The following FSIP1 variants were observed in gnomAD, a reference collection of about 807,000 sequenced individuals.
FSIP1 encodes fibrous sheath interacting protein 1, also known as fibrous sheath-interacting protein 1.
In FSIP1, 65 loss-of-function variants were observed where a neutral mutation model predicts 60.9. The ratio of observed to expected loss-of-function variants is 1.07; its 90% CI spans 0.87 to 1.31. FSIP1 has a LOEUF of 1.31. Among genes scored for constraint, FSIP1 ranks in the 40% most tolerant of loss-of-function variants. The pLI is 0.00. For missense variants in FSIP1, 675 were observed against 665.5 expected (o/e 1.01, Z -0.16); for synonymous variants, 209 against 221.2 (o/e 0.94, Z 0.49).
At chr15:39,698,389 T>A (rs1894911145) in intron 10 of FSIP1, among the ~76,000 whole-genome samples, 1 of 152,112 alleles carries the variant, frequency 6.6e-6, no homozygotes, top group Admixed American at 6.5e-5. Context: ...GTTCATCATG[T>A]CGAGATTCTT....
At chr15:39,634,032 G>A (rs1892021918) in intron 10 of FSIP1, among the ~76,000 whole-genome samples, 1 of 152,100 alleles carries the variant, frequency 6.6e-6, no homozygotes, top group African/African-American at 2.4e-5. Context: ...CATCCCTCAT[G>A]TCACTAAACG....
At chr15:39,645,262 C>T (rs935445504) in intron 10 of FSIP1, among the ~76,000 whole-genome samples, 2 of 152,224 alleles carry the variant, frequency 1.3e-5, no homozygotes, top group African/African-American at 2.4e-5. Context: ...ACTACTGATA[C>T]AGTGGCTGCT....
chr15:39,765,651 C>T lies in FSIP1; in HGVS notation c.406G>A (p.Glu136Lys). ...DKILAKKQRR[E>K]KEIKKQGLEM... ...AGACCTTGCTTCTTAATTTCTTTTTCTCTGCGTTGTTTCTTTGCCAATATT... is the reference window on the plus strand; with the variant it reads ...AGACCTTGCTTCTTAATTTCTTTTTTTCTGCGTTGTTTCTTTGCCAATATT... The change falls in exon 4 of 12, where the codon GAA (glutamate) becomes AAA (lysine). Residue 136 changes from glutamate to lysine, a missense_variant. Physicochemically the swap from Glu to Lys is moderately conservative, Grantham distance 56. Coordinates refer to ENST00000350221, the MANE Select transcript of FSIP1 (RefSeq NM_152597.5). 6.2e-7 allele frequency: 1 copy of T among 1,604,820 alleles called. No homozygotes were observed.
intron 10 of FSIP1, among the ~76,000 whole-genome samples, chr15:39,627,453 A>C (rs963449826): frequency 6.6e-6 from 1 of 152,244 alleles, no homozygotes; most frequent in Non-Finnish European, 1.5e-5. Flanking sequence ...ACAAACCAGA[A>C]GTGCAAGAGA....
chr15:39,747,825 A>G (rs1897048161), intron 5 of FSIP1, among the ~76,000 whole-genome samples: 1 of 152,170 alleles, frequency 6.6e-6, no homozygotes, highest in East Asian at 1.9e-4. Flanking sequence ...TTTATCATTA[A>G]TAGTGCATAT....
intron 5 of FSIP1, among the ~76,000 whole-genome samples, chr15:39,746,181 A>T (rs1364106790): frequency 6.6e-6 from 1 of 152,188 alleles, no homozygotes; most frequent in Non-Finnish European, 1.5e-5. Context: ...ATCTGGAAAA[A>T]ATTGCCACCA....
chr15:39,764,598 T>A (rs144347091), intron 4 of FSIP1, among the ~76,000 whole-genome samples: 1,574 of 152,328 alleles, frequency 0.01, 15 homozygotes, highest in Middle Eastern at 0.017. Context: ...AAAATTGAAA[T>A]ATGAGCCAAT....
intron 9 of FSIP1, among the ~76,000 whole-genome samples, chr15:39,719,709 G>A (rs1299429182): frequency 6.6e-6 from 1 of 152,208 alleles, no homozygotes; most frequent in Non-Finnish European, 1.5e-5. Flanking sequence ...TGGATCGTGT[G>A]TCTGGCAGTA....
At chr15:39,628,040 A>G (rs1891716843) in intron 10 of FSIP1, among the ~76,000 whole-genome samples, 1 of 152,192 alleles carries the variant, frequency 6.6e-6, no homozygotes, top group Non-Finnish European at 1.5e-5. Context: ...GGGTGCAGGT[A>G]CTGCAGGGTT....
At chr15:39,711,745 C>A (rs2008623) in intron 10 of FSIP1, among the ~76,000 whole-genome samples, 20 of 123,408 alleles carry the variant, frequency 1.6e-4, no homozygotes, top group African/African-American at 6.3e-4. Flanking sequence ...TGTGCAGTGG[C>A]GCAATCTCGG....
intron 10 of FSIP1, among the ~76,000 whole-genome samples, chr15:39,679,755 A>G (rs1894084087): frequency 6.6e-6 from 1 of 152,228 alleles, no homozygotes. Context: ...AAAAAGTATT[A>G]ATTGATTAAG....
At chr15:39,757,229 T>C (rs930050425) in intron 5 of FSIP1, among the ~76,000 whole-genome samples, 4 of 152,130 alleles carry the variant, frequency 2.6e-5, no homozygotes, top group Non-Finnish European at 4.4e-5. Flanking sequence ...TTTTAAATTT[T>C]TATACATTTC....
At chr15:39,601,557 C>A (rs1298094455) in intron 11 of FSIP1, among the ~76,000 whole-genome samples, 1 of 152,084 alleles carries the variant, frequency 6.6e-6, no homozygotes, top group Non-Finnish European at 1.5e-5. Context: ...GGTATAAGCC[C>A]AAGAGAAATG....
rs201479053 is a variant in FSIP1 at position 39,751,598 on chromosome 15, C to CA, written c.560-9699dup. ...CATGATCTCACTTATATGTGGAATC[C>CA]AAAAAAAAAAGTCAAATTTACAGAG... On this transcript the variant is annotated intron_variant, in intron 5 of 11. Transcript: ENST00000350221. 6.9e-4 allele frequency among the ~76,000 whole-genome samples: 99 copies of CA among 142,798 alleles called. No individual in the cohort carries two copies. In the South Asian group the frequency reaches 0.02, roughly 29 times the overall value. The allele number at this position is 142,798 out of a possible 152,430, so 93.7% of individuals were successfully genotyped here.
At chr15:39,752,781 G>C (rs1338876923) in intron 5 of FSIP1, among the ~76,000 whole-genome samples, 1 of 152,004 alleles carries the variant, frequency 6.6e-6, no homozygotes, top group African/African-American at 2.4e-5. Flanking sequence ...AAGGAAACCT[G>C]AATATATCAA....
chr15:39,602,329 T>C (rs1890671132), intron 11 of FSIP1: 1 of 456,198 alleles, frequency 2.2e-6, no homozygotes, highest in African/African-American at 2.0e-5. Context: ...CATGGAAGCG[T>C]TCTAGCGTTC....
Position 39,770,608 on chromosome 15 carries a change from G to C in FSIP1, c.129C>G (p.Val43=). 2 of 1,471,948 alleles carry C rather than the reference G, an allele frequency of 1.4e-6. No homozygotes were observed. Among genetic ancestry groups the C allele is most frequent in the Non-Finnish European group, 9.0e-7 (1 of 1,109,038 alleles). 91.2% of individuals were successfully genotyped at this position (1,471,948 alleles called of 1,614,324 possible). Residue 43 remains valine, a splice_region_variant and synonymous_variant, in exon 3 of 12, where the codon GTC becomes GTG. Coordinates refer to ENST00000350221, the MANE Select transcript of FSIP1 (RefSeq NM_152597.5). ...VLSTEPGSFK[V]DTASNLNSGK... ...CAGAGTTCAAGTTGCTTGCAGTATC[G>C]ACCTAAAAATAATTTCAAAAAAAAA...
At chr15:39,624,336 C>A (rs982895219) in intron 10 of FSIP1, among the ~76,000 whole-genome samples, 6 of 152,326 alleles carry the variant, frequency 3.9e-5, no homozygotes, top group Admixed American at 1.3e-4. Flanking sequence ...CCAAACTTCA[C>A]TGATCTCATT....
At chr15:39,622,589 T>C (rs1039663454) in intron 10 of FSIP1, among the ~76,000 whole-genome samples, 10 of 152,250 alleles carry the variant, frequency 6.6e-5, no homozygotes, top group Non-Finnish European at 7.3e-5. Context: ...CTAGGCATAA[T>C]ACATGTATTG....
Sources: allele counts gnomAD v4.1 joint callset (sites outside exome capture counted in the v4.1 genomes callset), GRCh38; gene constraint gnomAD v4.1.1; transcripts MANE v1.5; gene names NCBI Gene and HGNC (gene_info 2026-07-23, HGNC 2026-07-21).